The following NELL1 variants were observed in gnomAD, a reference collection of about 807,000 sequenced individuals.
The protein encoded by NELL1 is protein kinase C-binding protein NELL1.
A neutral mutation model predicts 107.4 loss-of-function variants in NELL1; 76 were observed. The observed-to-expected ratio is 0.71, with a 90% confidence interval of 0.59 to 0.86. NELL1 has a LOEUF of 0.86. Among genes scored for constraint, NELL1 ranks in the 40% least tolerant of loss-of-function variants. NELL1 has a pLI of 0.00. For synonymous variants in NELL1, 353 were observed against 341.2 expected (o/e 1.03, Z -0.38); for missense variants, 1,024 against 1,005.5 (o/e 1.02, Z -0.25).
intron 4 of NELL1, among the ~76,000 whole-genome samples, chr11:20,868,713 A>G (rs1849140940): frequency 6.6e-6 from 1 of 152,210 alleles, no homozygotes; most frequent in Non-Finnish European, 1.5e-5. Flanking sequence ...ACCCAAATAT[A>G]CATATTGAGT....
intron 15 of NELL1, among the ~76,000 whole-genome samples, chr11:21,489,046 C>T (rs144213465): frequency 4.0e-5 from 6 of 151,650 alleles, no homozygotes; most frequent in African/African-American, 1.4e-4. Flanking sequence ...ACTAGACTAA[C>T]CAAGAGAAGA....
Position 20,903,067 on chromosome 11 carries a change from T to C in NELL1, c.604-15115T>C, listed in dbSNP as rs115803601. On this transcript the variant is annotated intron_variant, in intron 5 of 19. Transcript: ENST00000357134. ...GAGGATATTTTATTTCTCAAGTGTTTGCTATATGTTGTTTTGTACATCATA... is the reference window on the plus strand; with the variant it reads ...GAGGATATTTTATTTCTCAAGTGTTCGCTATATGTTGTTTTGTACATCATA... Among the ~76,000 whole-genome samples the C allele has an allele frequency of 2.8e-3, 430 of 152,206 alleles. 1 individual carries two copies. The highest frequency in any genetic ancestry group is 9.8e-3 in the African/African-American group (409 of 41,548).
intron 4 of NELL1, among the ~76,000 whole-genome samples, chr11:20,870,300 T>C (rs955687037): frequency 1.8e-4 from 28 of 152,348 alleles, no homozygotes; most frequent in African/African-American, 5.8e-4. Context: ...TCTTCAAAAC[T>C]TTGTCTCACT....
intron 14 of NELL1, among the ~76,000 whole-genome samples, chr11:21,301,136 G>A (rs879579797): frequency 1.3e-5 from 2 of 152,034 alleles, no homozygotes; most frequent in Non-Finnish European, 2.9e-5. Flanking sequence ...TCTTAATCCA[G>A]TCTGTCATTG....
At chr11:21,528,788 C>G (rs1364711107) in intron 15 of NELL1, among the ~76,000 whole-genome samples, 1 of 152,054 alleles carries the variant, frequency 6.6e-6, no homozygotes, top group Non-Finnish European at 1.5e-5. Flanking sequence ...AATTCAAACT[C>G]AAACATATCT....
chr11:21,524,674 T>C (rs1428215535), intron 15 of NELL1, among the ~76,000 whole-genome samples: 1 of 152,150 alleles, frequency 6.6e-6, no homozygotes, highest in Non-Finnish European at 1.5e-5. Flanking sequence ...CAAAGTGAGG[T>C]CAAATTGTTT....
chr11:21,099,216 CACACACACACACACACAA>C (rs766418601), intron 12 of NELL1, among the ~76,000 whole-genome samples: 2 of 143,530 alleles, frequency 1.4e-5, no homozygotes, highest in African/African-American at 2.6e-5. Flanking sequence ...CACACACACA[CACACACACACACACACAA>C]ACACACACAC....
At chr11:20,691,936 G>C (rs369803572) in intron 2 of NELL1, among the ~76,000 whole-genome samples, 3 of 151,870 alleles carry the variant, frequency 2.0e-5, no homozygotes, top group East Asian at 3.9e-4. Flanking sequence ...GGTTGGTAAG[G>C]TATTGATTAT....
intron 14 of NELL1, among the ~76,000 whole-genome samples, chr11:21,274,726 G>C (rs1405594834): frequency 6.6e-6 from 1 of 152,130 alleles, no homozygotes; most frequent in Non-Finnish European, 1.5e-5. Context: ...AATCAAACTA[G>C]AACTCAGGAT....
At chr11:21,538,955 C>G (rs1222447208) in intron 16 of NELL1, among the ~76,000 whole-genome samples, 1 of 152,084 alleles carries the variant, frequency 6.6e-6, no homozygotes, top group African/African-American at 2.4e-5. Flanking sequence ...TTCCTAAATC[C>G]TGCATTCTCT....
At chr11:21,390,305 G>A (rs951089197) in intron 15 of NELL1, among the ~76,000 whole-genome samples, 5 of 150,940 alleles carry the variant, frequency 3.3e-5, no homozygotes, top group Non-Finnish European at 5.9e-5. Context: ...ATTGGCTATA[G>A]CTCCTTGCTC....
At chr11:21,526,853 C>T (rs1017640308) in intron 15 of NELL1, among the ~76,000 whole-genome samples, 3 of 152,196 alleles carry the variant, frequency 2.0e-5, no homozygotes, top group African/African-American at 7.2e-5. Context: ...ACCACTTTTC[C>T]CTCCTAGGCC....
At chr11:21,255,146 A>G (rs1373980950) in intron 14 of NELL1, among the ~76,000 whole-genome samples, 1 of 152,066 alleles carries the variant, frequency 6.6e-6, no homozygotes, top group Non-Finnish European at 1.5e-5. Flanking sequence ...GAGTGGTCTT[A>G]AAAGAACTAT....
chr11:21,191,858 T>C (rs1044555174), intron 13 of NELL1, among the ~76,000 whole-genome samples: 1 of 151,964 alleles, frequency 6.6e-6, no homozygotes, highest in African/African-American at 2.4e-5. Context: ...AATTATGTTT[T>C]AACTTTTATA....
chr11:21,167,710 C>T (rs1236626275), intron 13 of NELL1, among the ~76,000 whole-genome samples: 1 of 151,844 alleles, frequency 6.6e-6, no homozygotes, highest in African/African-American at 2.4e-5. Context: ...TGTTGGTCTT[C>T]TTTTCATTCC....
chr11:21,102,370 G>A (rs1315143787), intron 12 of NELL1, among the ~76,000 whole-genome samples: 1 of 152,088 alleles, frequency 6.6e-6, no homozygotes, highest in Non-Finnish European at 1.5e-5. Context: ...CCCCTTAGAG[G>A]TAATGTCACT....
intron 11 of NELL1, among the ~76,000 whole-genome samples, chr11:20,950,483 A>G (rs916116604): frequency 6.6e-6 from 1 of 152,032 alleles, no homozygotes; most frequent in Non-Finnish European, 1.5e-5. Context: ...TTTTCTTCTT[A>G]TTTTTGCCTT....
At position 21,491,366 on chromosome 11, in the gene NELL1, A is replaced by G. The variant is rs574496743; in HGVS notation, c.1646-43008A>G. Among the ~76,000 whole-genome samples the G allele has an allele frequency of 2.0e-5, 3 of 152,266 alleles. No individual in the cohort carries two copies. In the South Asian group the frequency reaches 6.2e-4, roughly 32 times the overall value. On this transcript the variant is annotated intron_variant, in intron 15 of 19. Coordinates refer to ENST00000357134, the MANE Select transcript of NELL1 (RefSeq NM_006157.5). ...TAAGTCTTTAATCCATCTTGAATTA[A>G]TTTTTGTATAAGGTATAAGGAAGGG...
At chr11:20,710,863 G>T (rs1024186753) in intron 2 of NELL1, among the ~76,000 whole-genome samples, 1 of 151,998 alleles carries the variant, frequency 6.6e-6, no homozygotes, top group East Asian at 1.9e-4. Flanking sequence ...TATGGTGTCA[G>T]TTGTAATATC....
Sources: gnomAD v4.1 joint callset for allele counts (sites outside exome capture counted in the v4.1 genomes callset) on GRCh38, gnomAD v4.1.1 for gene constraint, MANE v1.5 for transcripts, NCBI Gene and HGNC (gene_info 2026-07-23, HGNC 2026-07-21) for gene names.